The following BBS9 variants were observed in gnomAD, a reference collection of about 807,000 sequenced individuals.
BBS9 encodes the protein Bardet-Biedl syndrome 9.
In BBS9, 89 loss-of-function variants were observed where a neutral mutation model predicts 117.7. The ratio of observed to expected loss-of-function variants is 0.76; its 90% CI spans 0.64 to 0.90. The LOEUF is 0.90. BBS9 is among the 40% of genes least tolerant of loss of function. The pLI, the probability that BBS9 is intolerant of heterozygous loss-of-function variation, is 0.00. For missense variants in BBS9, 982 were observed against 1,042.2 expected, an observed-to-expected ratio of 0.94 and a Z score of 0.80; for synonymous variants, 379 against 370.9, an observed-to-expected ratio of 1.02 and a Z score of -0.25.
At chr7:33,556,765 A>G (rs1297071451) in intron 21 of BBS9, among the ~76,000 whole-genome samples, 1 of 152,132 alleles carries the variant, frequency 6.6e-6, no homozygotes, top group Non-Finnish European at 1.5e-5. Flanking sequence ...GAACTGCTCT[A>G]AGGTCTAACA....
At chr7:33,519,281 A>G in intron 20 of BBS9, among the ~76,000 whole-genome samples, 1 of 152,106 alleles carries the variant, frequency 6.6e-6, no homozygotes, top group Non-Finnish European at 1.5e-5. Flanking sequence ...GGTGGCAATA[A>G]AGTTTTCCCC....
Position 33,463,493 on chromosome 7 carries a change from C to T in BBS9, c.2116-41970C>T, listed in dbSNP as rs191114758. ...TATTTCCTTGTTACAATGATCCCTT[C>T]CAGTCTTAAAAATTCTGTGATTCTG... On this transcript the variant is annotated intron_variant, in intron 19 of 22. Coordinates refer to ENST00000242067, the MANE Select transcript of BBS9 (RefSeq NM_198428.3). Among the ~76,000 whole-genome samples, 572 of 152,110 alleles carry T rather than the reference C, an allele frequency of 3.8e-3. 1 individual carries two copies. The highest frequency in any genetic ancestry group is 7.0e-3 in the Non-Finnish European group (476 of 67,960).
At chr7:33,327,392 A>C (rs6462470) in intron 9 of BBS9, among the ~76,000 whole-genome samples, 143,530 of 152,114 alleles carry the variant, frequency 0.94, 67,769 homozygotes, top group Admixed American at 0.96. Flanking sequence ...AGCAGTTATC[A>C]AGGGCAGATT....
At chr7:33,451,049 C>T (rs539010155) in intron 19 of BBS9, among the ~76,000 whole-genome samples, 24 of 151,880 alleles carry the variant, frequency 1.6e-4, no homozygotes, top group African/African-American at 4.1e-4. Context: ...CCACCATGCC[C>T]GGCTAATTTT....
At chr7:33,217,795 T>G (rs542872580) in intron 5 of BBS9, among the ~76,000 whole-genome samples, 79 of 152,296 alleles carry the variant, frequency 5.2e-4, no homozygotes, top group South Asian at 1.2e-3. Context: ...TGGGTTACAT[T>G]TTCACTTTGC....
rs868036339 is a variant in BBS9, at chr7:33,502,101, G to A, written c.2116-3362G>A. Among the ~76,000 whole-genome samples the A allele has an allele frequency of 9.9e-5, 15 of 152,142 alleles. No individual in the cohort carries two copies. In the South Asian group the frequency reaches 2.5e-3, roughly 25 times the overall value. ...CTTTTTGTATTTTTAGTAAAGATGGGTTTTCAACATGTTGGCCAGGCTGCT... is the reference window on the plus strand; with the variant it reads ...CTTTTTGTATTTTTAGTAAAGATGGATTTTCAACATGTTGGCCAGGCTGCT... On this transcript the variant is annotated intron_variant, in intron 19 of 22. Transcript: ENST00000242067.
At chr7:33,603,921 TG>T (rs1346855028) in intron 21 of BBS9, among the ~76,000 whole-genome samples, 1 of 152,188 alleles carries the variant, frequency 6.6e-6, no homozygotes, top group African/African-American at 2.4e-5. Flanking sequence ...CTCATTTGAA[TG>T]ATGTGGTTTT....
At chr7:33,510,239 TA>T (rs1846740099) in intron 20 of BBS9, among the ~76,000 whole-genome samples, 1 of 152,058 alleles carries the variant, frequency 6.6e-6, no homozygotes, top group Non-Finnish European at 1.5e-5. Context: ...TCTTTCAGGT[TA>T]GGGGCTGGAG....
At position 33,388,109 on chromosome 7, in the gene BBS9, C is replaced by T. The variant is rs2128756856; in HGVS notation, c.2080C>T (p.His694Tyr). The stretch of plus-strand genomic sequence containing the variant: ...AGATAAAACTCCTGCCCCTCTTCAA[C>T]ACCTGGACACCTTGTTAGATGGAAC... Reference protein sequence around the residue: ...FKDKTPAPLQHLDTLLDGTYK... With the variant: ...FKDKTPAPLQYLDTLLDGTYK... Residue 694 changes from histidine to tyrosine, a missense_variant, in exon 19 of 23, where the codon CAC (histidine) becomes TAC (tyrosine). By Grantham distance (83) the His-to-Tyr change is moderately conservative. Coordinates refer to ENST00000242067, the MANE Select transcript of BBS9 (RefSeq NM_198428.3). 2 of 1,614,184 alleles carry T rather than the reference C, an allele frequency of 1.2e-6. No homozygotes were observed. The highest frequency in any genetic ancestry group is 1.7e-6 in the Non-Finnish European group (2 of 1,180,010).
chr7:33,359,608 A>C (rs1228493525), intron 16 of BBS9, among the ~76,000 whole-genome samples: 1 of 152,104 alleles, frequency 6.6e-6, no homozygotes, highest in Non-Finnish European at 1.5e-5. Flanking sequence ...AATGTTAAAC[A>C]TGCTGGATGG....
chr7:33,453,012 CAGT>C (rs949433440), intron 19 of BBS9, among the ~76,000 whole-genome samples: 4 of 152,108 alleles, frequency 2.6e-5, no homozygotes, highest in African/African-American at 7.2e-5. Context: ...GTGGAGTTGG[CAGT>C]ACAATTTAGA....
chr7:33,534,347 C>T (rs1240325874), intron 21 of BBS9, 171 bp downstream of exon 21: 32 of 704,996 alleles, frequency 4.5e-5, no homozygotes, highest in Non-Finnish European at 7.4e-6. Context: ...AATAAATATC[C>T]CTGAGATATT....
At chr7:33,246,509 A>T (rs985819263) in intron 5 of BBS9, among the ~76,000 whole-genome samples, 10 of 151,764 alleles carry the variant, frequency 6.6e-5, no homozygotes, top group African/African-American at 2.4e-4. Flanking sequence ...AAAGTATTTA[A>T]TTTTTTTTGT....
chr7:33,264,233 A>C (rs934211597), intron 6 of BBS9, 57 bp from the exon 7 acceptor site: 37 of 914,346 alleles, frequency 4.0e-5, no homozygotes, highest in Non-Finnish European at 5.2e-5. Context: ...AGTTTAAAAT[A>C]ATTTATAATT....
At position 33,348,952 on chromosome 7, in the gene BBS9, T is replaced by C. The variant is rs1818107936; in HGVS notation, c.1330-116T>C. ...CTGTATTATGTTTTGTGACTACTCA[T>C]TTTTTCCTCAGGTAATATTTTCTAA... is the stretch of plus-strand genomic sequence containing the variant. On this transcript the variant is annotated intron_variant, in intron 12 of 22. Coordinates refer to ENST00000242067, the MANE Select transcript of BBS9 (RefSeq NM_198428.3). The C allele has an allele frequency of 1.5e-5, 11 of 734,286 alleles. No homozygotes were observed. In the Admixed American group the frequency reaches 1.8e-4, roughly 12 times the overall value. 45.5% of individuals were successfully genotyped at this position (734,286 alleles called of 1,614,324 possible).
At chr7:33,516,993 T>A (rs1847901719) in intron 20 of BBS9, among the ~76,000 whole-genome samples, 1 of 152,218 alleles carries the variant, frequency 6.6e-6, no homozygotes, top group South Asian at 2.1e-4. Context: ...GAAATAAAAA[T>A]CTAGCTTGTA....
intron 19 of BBS9, among the ~76,000 whole-genome samples, chr7:33,417,263 G>A (rs1253287297): frequency 5.9e-5 from 9 of 152,178 alleles, no homozygotes; most frequent in Non-Finnish European, 1.2e-4. Context: ...GGTCTTTGTG[G>A]ATGGGTTTGT....
chr7:33,400,187 G>A (rs77989897), intron 19 of BBS9, among the ~76,000 whole-genome samples: 6,833 of 151,402 alleles, frequency 0.045, 201 homozygotes, highest in East Asian at 0.14. Context: ...TAATCAGTGT[G>A]TCCCCTCTTC....
intron 19 of BBS9, 151 bp downstream of exon 19, chr7:33,388,295 C>A: frequency 1.0e-6 from 1 of 982,180 alleles, no homozygotes. Flanking sequence ...TCAGAAAAAC[C>A]TAGGTTCAAA....
Sources: gnomAD v4.1 joint callset for allele counts (sites outside exome capture counted in the v4.1 genomes callset) on GRCh38, gnomAD v4.1.1 for gene constraint, MANE v1.5 for transcripts, NCBI Gene and HGNC (gene_info 2026-07-23, HGNC 2026-07-21) for gene names.